The following RGS5 variants were observed in gnomAD, a reference collection of about 807,000 sequenced individuals.
RGS5 encodes the protein regulator of G protein signaling 5.
In RGS5, 20 loss-of-function variants were observed where a neutral mutation model predicts 18.9. The observed-to-expected ratio is 1.06, with a 90% CI of 0.74 to 1.54. The LOEUF (loss-of-function observed/expected upper bound fraction) is 1.54. RGS5 is among the 40% of genes most tolerant of loss of function. The pLI is 0.00. For missense variants in RGS5, 201 were observed against 211.8 expected (o/e 0.95, Z 0.32); for synonymous variants, 57 against 76.2 (o/e 0.75, Z 1.31).
At chr1:163,159,605 G>A (rs1402153736) in intron 3 of RGS5, among the ~76,000 whole-genome samples, 2 of 151,962 alleles carry the variant, frequency 1.3e-5, no homozygotes, top group African/African-American at 4.8e-5. Flanking sequence ...TTTTTTAGTT[G>A]GGCTACTTCG....
chr1:163,175,523 C>T (rs1257503494), intron 1 of RGS5, among the ~76,000 whole-genome samples: 6 of 152,128 alleles, frequency 3.9e-5, no homozygotes, highest in African/African-American at 1.4e-4. Flanking sequence ...AAATCCTCAA[C>T]TTGCCAGGAT....
intron 1 of RGS5, among the ~76,000 whole-genome samples, chr1:163,194,205 T>C (rs1322097203): frequency 1.3e-5 from 2 of 152,180 alleles, no homozygotes; most frequent in Admixed American, 6.5e-5. Context: ...ACTGGGAGTA[T>C]ATTCTGAACT....
Position 163,168,352 on chromosome 1 carries a change from T to C in RGS5, c.61A>G (p.Ile21Val). The C allele has an allele frequency of 6.2e-7, 1 of 1,613,510 alleles. No individual in the cohort carries two copies. Among genetic ancestry groups the C allele is most frequent in the Non-Finnish European group, 8.5e-7 (1 of 1,179,508 alleles). ...TTCTGGAGGAGAATTCCCAACTTGA[T>C]CTTAATCTCCTTGGCCCTGAAAGAA... The part of the protein sequence containing the change: ...SCLERAKEIK[I>V]KLGILLQKPD... The change falls in exon 2 of 5, where the codon ATC (isoleucine) becomes GTC (valine). Residue 21 changes from isoleucine to valine, a missense_variant. Coordinates refer to ENST00000313961, the MANE Select transcript of RGS5 (RefSeq NM_003617.4).
Position 163,201,384 on chromosome 1 carries a change from A to G in RGS5, c.44+1408T>C, listed in dbSNP as rs190427551. Among the ~76,000 whole-genome samples the G allele has an allele frequency of 4.1e-4, 63 of 152,184 alleles. No homozygotes were observed. The South Asian group carries it at 4.1e-3, about 10-fold the overall frequency. On this transcript the variant is annotated intron_variant, in intron 1 of 4. Coordinates refer to ENST00000313961, the MANE Select transcript of RGS5 (RefSeq NM_003617.4). ...TAAATAGTATCCACCTTTAAAACCTATCCTCTTCCCCAGGGTTGGTACAAT... is the reference window on the plus strand; with the variant it reads ...TAAATAGTATCCACCTTTAAAACCTGTCCTCTTCCCCAGGGTTGGTACAAT...
At chr1:163,280,125 T>C (rs183716269) in intron 2 of RGS5, among the ~76,000 whole-genome samples, 1 of 152,058 alleles carries the variant, frequency 6.6e-6, no homozygotes, top group East Asian at 1.9e-4. Context: ...TTCCCAAAAA[T>C]TGAAAAGGAG....
chr1:163,308,166 T>A (rs977081794), intron 1 of RGS5, among the ~76,000 whole-genome samples: 4 of 152,212 alleles, frequency 2.6e-5, no homozygotes, highest in African/African-American at 9.7e-5. Context: ...TGTGCTACAT[T>A]TAAAAAAGTT....
intron 2 of RGS5, among the ~76,000 whole-genome samples, chr1:163,277,762 T>A (rs999780552): frequency 6.6e-6 from 1 of 152,030 alleles, no homozygotes; most frequent in Admixed American, 6.6e-5. Context: ...CACAAATAGA[T>A]AATTCAAAGA....
chr1:163,245,968 C>T (rs922527474), intron 2 of RGS5, among the ~76,000 whole-genome samples: 1 of 152,192 alleles, frequency 6.6e-6, no homozygotes, highest in Admixed American at 6.5e-5. Flanking sequence ...GTAATCCCAG[C>T]ATTTTGGGAG....
chr1:163,143,248 A>T lies in RGS5; in HGVS notation c.*4094T>A, dbSNP rs752589393. ...CGATACGTGCTTGTCTAATAGAATG[A>T]AGAGACTATAAGCCAGAGAGGTTTA... is the stretch of plus-strand genomic sequence containing the variant. On this transcript the variant is annotated 3_prime_UTR_variant, in exon 5 of 5. Coordinates refer to ENST00000313961, the MANE Select transcript of RGS5 (RefSeq NM_003617.4). The T allele has an allele frequency of 2.0e-5, 3 of 152,214 alleles. No homozygotes were observed. The highest frequency in any genetic ancestry group is 4.8e-5 in the African/African-American group (2 of 41,466). The allele number at this position is 152,214 out of a possible 1,614,324, so 9.4% of individuals were successfully genotyped here.
At chr1:163,177,777 T>A (rs1253976432) in intron 1 of RGS5, among the ~76,000 whole-genome samples, 6 of 152,198 alleles carry the variant, frequency 3.9e-5, no homozygotes, top group Non-Finnish European at 8.8e-5. Context: ...GTATCGGGTG[T>A]TAATGCATAT....
chr1:163,161,115 T>C (rs1657781113), intron 3 of RGS5, among the ~76,000 whole-genome samples: 1 of 152,144 alleles, frequency 6.6e-6, no homozygotes, highest in Admixed American at 6.5e-5. Context: ...TTATCTATTA[T>C]AGGAGAGGGA....
chr1:163,277,128 C>A (rs1331499939), intron 2 of RGS5, among the ~76,000 whole-genome samples: 1 of 152,196 alleles, frequency 6.6e-6, no homozygotes, highest in Non-Finnish European at 1.5e-5. Context: ...CACAGACATT[C>A]CTTTCTATTG....
intron 2 of RGS5, chr1:163,260,435 G>A (rs1302632285): frequency 6.6e-6 from 1 of 152,058 alleles, no homozygotes; most frequent in Non-Finnish European, 1.5e-5. Flanking sequence ...AAATATCATG[G>A]ATTCAAAATT....
At chr1:163,295,826 A>T (rs1468097871) in intron 2 of RGS5, among the ~76,000 whole-genome samples, 2 of 152,200 alleles carry the variant, frequency 1.3e-5, no homozygotes, top group African/African-American at 2.4e-5. Context: ...TTGAAGCCTT[A>T]ATTTCTTCAA....
chr1:163,177,949 C>T (rs918371395), intron 1 of RGS5, among the ~76,000 whole-genome samples: 34 of 152,124 alleles, frequency 2.2e-4, no homozygotes, highest in African/African-American at 7.5e-4. Flanking sequence ...CACTGAGATA[C>T]GCCAGCTTGT....
At chr1:163,321,563 A>AAC (rs1429579317) in intron 1 of RGS5, 2 of 152,192 alleles carry the variant, frequency 1.3e-5, no homozygotes, top group Non-Finnish European at 2.9e-5. Context: ...CATCTAACAA[A>AAC]ACCCGGCACA....
intron 2 of RGS5, among the ~76,000 whole-genome samples, chr1:163,235,830 G>C (rs1647608002): frequency 6.6e-6 from 1 of 152,122 alleles, no homozygotes. Context: ...CATTTTACAA[G>C]ACAAAATCCA....
Position 163,147,280 on chromosome 1 carries a change from G to A in RGS5, c.*62C>T. On this transcript the variant is annotated 3_prime_UTR_variant, in exon 5 of 5. Transcript: ENST00000313961. ...TGTGGGAAGATATGTAGATTAATGG[G>A]AAATGCAGGGTTATTATGGAGGAAA... 1.3e-6 allele frequency: 2 copies of A among 1,487,374 alleles called. No homozygotes were observed. The highest frequency in any genetic ancestry group is 9.0e-7 in the Non-Finnish European group (1 of 1,108,722). 92.1% of individuals were successfully genotyped at this position (1,487,374 alleles called of 1,614,324 possible).
At chr1:163,257,830 G>A (rs924373139) in intron 2 of RGS5, among the ~76,000 whole-genome samples, 11 of 152,082 alleles carry the variant, frequency 7.2e-5, no homozygotes, top group African/African-American at 2.7e-4. Flanking sequence ...ATCTCCCTAG[G>A]GTGCTAGATA....
Sources: gnomAD v4.1 joint callset for allele counts (sites outside exome capture counted in the v4.1 genomes callset) on GRCh38, gnomAD v4.1.1 for gene constraint, MANE v1.5 for transcripts, NCBI Gene and HGNC (gene_info 2026-07-23, HGNC 2026-07-21) for gene names.